XPR1: variants seen among roughly 807,000 people sequenced by gnomAD.
XPR1 encodes the protein solute carrier family 53 member 1.
XPR1 carries 28 observed loss-of-function variants against 87.5 expected under a neutral mutation model. That is an observed-to-expected ratio of 0.32 (90% CI 0.24 to 0.44). The LOEUF (loss-of-function observed/expected upper bound fraction) is 0.44. Ranked by LOEUF, XPR1 falls within the 20% of genes least tolerant of loss-of-function variation. The pLI, the probability that XPR1 is intolerant of heterozygous loss-of-function variation, is 1.00. For synonymous variants in XPR1, 300 were observed against 306.1 expected (o/e 0.98, Z 0.21); for missense variants, 559 against 862.3 (o/e 0.65, Z 4.41).
intron 2 of XPR1, among the ~76,000 whole-genome samples, chr1:180,683,610 C>T (rs571190703): frequency 6.6e-6 from 1 of 152,182 alleles, no homozygotes; most frequent in Non-Finnish European, 1.5e-5. Flanking sequence ...TATTTCTCCA[C>T]ATCCTCTCCA....
chr1:180,747,750 T>C (rs1255444700), intron 2 of XPR1, among the ~76,000 whole-genome samples: 6 of 152,062 alleles, frequency 3.9e-5, no homozygotes, highest in Non-Finnish European at 8.8e-5. Context: ...CAAAGAAAAA[T>C]AGAGGCTTTA....
At position 180,744,650 on chromosome 1, in the gene XPR1, C is replaced by CTTTTTTTTTTTTTTTTTTTTT; in HGVS notation, c.122-43100_122-43099insTTTTTTTTTTTTTTTTTTTTT. Among the ~76,000 whole-genome samples the CTTTTTTTTTTTTTTTTTTTTT allele has an allele frequency of 2.6e-3, 147 of 56,954 alleles. 22 individuals are homozygous for CTTTTTTTTTTTTTTTTTTTTT. Among genetic ancestry groups the CTTTTTTTTTTTTTTTTTTTTT allele is most frequent in the African/African-American group, 5.3e-3 (91 of 17,136 alleles). The allele number at this position is 56,954 out of a possible 152,430, so 37.4% of individuals were successfully genotyped here. ...ACTTGTTCAGGTTTAGGCACAATTT[C>CTTTTTTTTTTTTTTTTTTTTT]TTTCTTTTTTTTTTTTTTGAGACAG... On this transcript the variant is annotated intron_variant, in intron 2 of 14. Transcript: ENST00000367590.
intron 1 of XPR1, among the ~76,000 whole-genome samples, chr1:180,648,601 G>A (rs1223655088): frequency 6.6e-6 from 1 of 152,124 alleles, no homozygotes; most frequent in Non-Finnish European, 1.5e-5. Context: ...CCACCTCCTG[G>A]GTTCAAGCGA....
At chr1:180,704,579 T>A (rs1657487010) in intron 2 of XPR1, among the ~76,000 whole-genome samples, 1 of 151,564 alleles carries the variant, frequency 6.6e-6, no homozygotes, top group Admixed American at 6.6e-5. Context: ...TCAATTTGTA[T>A]ATTTCAATAT....
At chr1:180,633,937 A>G (rs547222813) in intron 1 of XPR1, among the ~76,000 whole-genome samples, 2 of 152,348 alleles carry the variant, frequency 1.3e-5, no homozygotes, top group South Asian at 4.1e-4. Flanking sequence ...GGCAGAAGTA[A>G]TAGTGGCTGG....
At chr1:180,764,429 T>C (rs1474574495) in intron 2 of XPR1, among the ~76,000 whole-genome samples, 1 of 148,456 alleles carries the variant, frequency 6.7e-6, no homozygotes, top group Non-Finnish European at 1.5e-5. Context: ...CCTGTAATCT[T>C]TTTTTTTTTT....
In XPR1 at chr1:180,726,848, G is replaced by A. The variant is rs566515192; in HGVS notation, c.121+44437G>A. Among the ~76,000 whole-genome samples the A allele has an allele frequency of 2.0e-3, 304 of 152,030 alleles. 2 individuals are homozygous for A. Among genetic ancestry groups the A allele is most frequent in the African/African-American group, 7.0e-3 (289 of 41,492 alleles). On this transcript the variant is annotated intron_variant, in intron 2 of 14. Coordinates refer to ENST00000367590, the MANE Select transcript of XPR1 (RefSeq NM_004736.4). ...GGATTTATTTTTGTTTAAGTTGATAGGTGAATATTTTTAAATGTATGTTTT... is the reference window on the plus strand; with the variant it reads ...GGATTTATTTTTGTTTAAGTTGATAAGTGAATATTTTTAAATGTATGTTTT...
chr1:180,820,514 C>T (rs1467287183), intron 7 of XPR1, among the ~76,000 whole-genome samples: 1 of 152,070 alleles, frequency 6.6e-6, no homozygotes, highest in African/African-American at 2.4e-5. Context: ...ATTTGTTTAT[C>T]CATTCATTCA....
chr1:180,748,400 CTTTTTTTTTTTTTTTTTT>C (rs71297873), intron 2 of XPR1, among the ~76,000 whole-genome samples: 471 of 29,712 alleles, frequency 0.016, 14 homozygotes, highest in African/African-American at 0.041. Context: ...TTATTTATGT[CTTTTTTTTTTTTTTTTTT>C]TTTTTTTTTT....
chr1:180,764,537 A>T (rs1485092092), intron 2 of XPR1, among the ~76,000 whole-genome samples: 2 of 151,862 alleles, frequency 1.3e-5, no homozygotes, highest in African/African-American at 4.8e-5. Context: ...TAGTGCGATC[A>T]TGGCTCACTG....
chr1:180,677,169 A>G (rs1656395338), intron 1 of XPR1, among the ~76,000 whole-genome samples: 1 of 152,206 alleles, frequency 6.6e-6, no homozygotes, highest in Non-Finnish European at 1.5e-5. Flanking sequence ...CTAGCTGCAA[A>G]TGGGATGCCC....
chr1:180,799,994 G>T (rs1447526517), intron 3 of XPR1, among the ~76,000 whole-genome samples: 2 of 152,182 alleles, frequency 1.3e-5, no homozygotes, highest in African/African-American at 2.4e-5. Flanking sequence ...TGTGATTGTT[G>T]TACTAATTTC....
Position 180,661,070 on chromosome 1 carries a change from T to G in XPR1, c.70-21290T>G, listed in dbSNP as rs551959102. On this transcript the variant is annotated intron_variant, in intron 1 of 14. Coordinates refer to ENST00000367590, the MANE Select transcript of XPR1 (RefSeq NM_004736.4). ...ATATTTATAATTGTTATAGCCTGTT[T>G]CTGAATTGACCTTCTTATTATATAG... Among the ~76,000 whole-genome samples the G allele has an allele frequency of 2.8e-4, 42 of 152,312 alleles. No homozygotes were observed. In the East Asian group the frequency reaches 6.0e-3, roughly 22 times the overall value.
intron 2 of XPR1, among the ~76,000 whole-genome samples, chr1:180,705,353 A>G (rs1657522096): frequency 1.3e-5 from 2 of 152,224 alleles, no homozygotes; most frequent in African/African-American, 4.8e-5. Context: ...TTGAATTTAT[A>G]TTGGTGTATT....
At chr1:180,759,815 A>T (rs1647925470) in intron 2 of XPR1, among the ~76,000 whole-genome samples, 1 of 152,202 alleles carries the variant, frequency 6.6e-6, no homozygotes, top group South Asian at 2.1e-4. Flanking sequence ...ACAACCAAAA[A>T]AGAGAATTTA....
At chr1:180,722,384 G>A (rs1419406107) in intron 2 of XPR1, among the ~76,000 whole-genome samples, 1 of 152,082 alleles carries the variant, frequency 6.6e-6, no homozygotes, top group Non-Finnish European at 1.5e-5. Context: ...ATGAGCCACC[G>A]CGCCCGGCCC....
At chr1:180,679,227 G>A (rs73051228) in intron 1 of XPR1, among the ~76,000 whole-genome samples, 6,546 of 149,840 alleles carry the variant, frequency 0.044, 506 homozygotes, top group African/African-American at 0.15. Context: ...CAAAAAAAAC[G>A]GTGGGTTACC....
intron 7 of XPR1, among the ~76,000 whole-genome samples, chr1:180,815,045 G>A (rs1650354047): frequency 6.6e-6 from 1 of 152,076 alleles, no homozygotes; most frequent in Admixed American, 6.6e-5. Flanking sequence ...AGTAAAACAT[G>A]TTTGTAGTTG....
Position 180,888,280 on chromosome 1 carries a change from T to A in XPR1, c.*4214T>A, listed in dbSNP as rs1653078503. The A allele has an allele frequency of 6.6e-6, 1 of 152,006 alleles. No homozygotes were observed. The highest frequency in any genetic ancestry group is 2.4e-5 in the African/African-American group (1 of 41,398). The allele number at this position is 152,006 out of a possible 1,614,324, so 9.4% of individuals were successfully genotyped here. A position where few individuals can be genotyped will look rare whatever the true frequency, so the allele number is the denominator to read the frequency against. On this transcript the variant is annotated 3_prime_UTR_variant, in exon 15 of 15. Transcript: ENST00000367590. ...AAATAATTAAGAAAATAACCCTATC[T>A]GTGGCATTGTTTTAAAATGTGGGAT...
Sources: gnomAD v4.1 joint callset for allele counts (sites outside exome capture counted in the v4.1 genomes callset) on GRCh38, gnomAD v4.1.1 for gene constraint, MANE v1.5 for transcripts, NCBI Gene and HGNC (gene_info 2026-07-23, HGNC 2026-07-21) for gene names.